The following LRBA variants were observed in gnomAD, a reference collection of about 807,000 sequenced individuals.
LRBA encodes lipopolysaccharide-responsive and beige-like anchor protein.
A neutral mutation model predicts 330.0 loss-of-function variants in LRBA; 176 were observed. The observed-to-expected ratio is 0.53, with a 90% CI of 0.47 to 0.60. The LOEUF (loss-of-function observed/expected upper bound fraction) is 0.60, where lower values mean the gene tolerates loss of function less well. Ranked by LOEUF, LRBA falls within the 20% of genes least tolerant of loss-of-function variation. The probability of loss-of-function intolerance (pLI) is 0.00; values close to 1 mark genes in which losing one functional copy is unlikely to be tolerated. For missense variants in LRBA, 3,259 were observed against 3,444.8 expected, an observed-to-expected ratio of 0.95 and a Z score of 1.35; for synonymous variants, 1,230 against 1,193.0, an observed-to-expected ratio of 1.03 and a Z score of -0.64.
intron 37 of LRBA, among the ~76,000 whole-genome samples, chr4:150,647,518 C>A (rs1186695041): frequency 6.6e-6 from 1 of 150,832 alleles, no homozygotes. Context: ...ACCAACACAC[C>A]TAGTAGCAGG....
chr4:150,371,181 A>ATTTTTTTTTTTTTTTTT (rs1274384749), intron 47 of LRBA, among the ~76,000 whole-genome samples: 1 of 136,754 alleles, frequency 7.3e-6, no homozygotes, highest in African/African-American at 3.2e-5. Flanking sequence ...CAAGCTACTA[A>ATTTTTTTTTTTTTTTTT]ATTTTTTTTT....
At chr4:150,567,905 T>C (rs1435427058) in intron 40 of LRBA, among the ~76,000 whole-genome samples, 1 of 152,164 alleles carries the variant, frequency 6.6e-6, no homozygotes, top group Non-Finnish European at 1.5e-5. Context: ...ACTTTTCACA[T>C]TGGTAGGTTA....
intron 20 of LRBA, among the ~76,000 whole-genome samples, chr4:150,868,743 G>T (rs538004057): frequency 5.3e-5 from 8 of 152,164 alleles, no homozygotes; most frequent in African/African-American, 1.9e-4. Context: ...TTCGAGAGCG[G>T]CCTGGCCAAC....
intron 40 of LRBA, among the ~76,000 whole-genome samples, chr4:150,566,673 C>A (rs1479859927): frequency 6.6e-6 from 1 of 151,956 alleles, no homozygotes; most frequent in Admixed American, 6.6e-5. Context: ...GTAATAATGA[C>A]CATCACAAAA....
intron 2 of LRBA, among the ~76,000 whole-genome samples, chr4:150,974,290 A>C (rs981668309): frequency 1.3e-5 from 2 of 152,222 alleles, no homozygotes; most frequent in African/African-American, 4.8e-5. Context: ...CAAGGAGAAG[A>C]GTACCAGAGA....
chr4:151,012,785 A>G (rs1372098066), intron 2 of LRBA: 3 of 150,296 alleles, frequency 2.0e-5, no homozygotes, highest in African/African-American at 4.9e-5. Context: ...CAAAGCTTTC[A>G]TTCTTCAAAA....
intron 47 of LRBA, among the ~76,000 whole-genome samples, chr4:150,378,076 T>C (rs1741634479): frequency 6.6e-6 from 1 of 152,102 alleles, no homozygotes; most frequent in African/African-American, 2.4e-5. Context: ...CCTTCTTAAA[T>C]GTCCCATATC....
intron 37 of LRBA, among the ~76,000 whole-genome samples, chr4:150,631,388 T>C (rs1391717613): frequency 6.6e-6 from 1 of 152,016 alleles, no homozygotes; most frequent in African/African-American, 2.4e-5. Flanking sequence ...ACATTAGGAG[T>C]AATTTATGAG....
intron 17 of LRBA, among the ~76,000 whole-genome samples, chr4:150,886,809 A>C (rs2127071802): frequency 6.6e-6 from 1 of 152,334 alleles, no homozygotes; most frequent in Admixed American, 6.5e-5. Flanking sequence ...GACACATTAG[A>C]AGATTACGCA....
chr4:150,450,193 G>A (rs1321595331), intron 44 of LRBA, among the ~76,000 whole-genome samples: 1 of 152,098 alleles, frequency 6.6e-6, no homozygotes, highest in Non-Finnish European at 1.5e-5. Flanking sequence ...TATAAAGAGG[G>A]ACATTGCATA....
intron 48 of LRBA, among the ~76,000 whole-genome samples, chr4:150,347,962 C>A (rs1268557526): frequency 6.6e-6 from 1 of 152,154 alleles, no homozygotes; most frequent in African/African-American, 2.4e-5. Flanking sequence ...CTCTAGTCAT[C>A]TGTGCCTATT....
At chr4:150,671,000 ATGTGTGTGTG>A (rs57937053) in intron 37 of LRBA, among the ~76,000 whole-genome samples, 57 of 106,888 alleles carry the variant, frequency 5.3e-4, no homozygotes, top group South Asian at 7.1e-4. Flanking sequence ...AACATAGCTG[ATGTGTGTGTG>A]TGTGTGTGTG....
chr4:150,455,197 T>A (rs1399558473), intron 44 of LRBA, among the ~76,000 whole-genome samples: 6 of 150,154 alleles, frequency 4.0e-5, no homozygotes, highest in Non-Finnish European at 8.9e-5. Flanking sequence ...ATTGTTCAAT[T>A]CCCACCTATG....
chr4:150,612,256 T>G (rs1727598866), intron 37 of LRBA, among the ~76,000 whole-genome samples: 1 of 152,192 alleles, frequency 6.6e-6, no homozygotes, highest in South Asian at 2.1e-4. Flanking sequence ...AAATAATTTT[T>G]TAAAGTTTAC....
intron 20 of LRBA, among the ~76,000 whole-genome samples, chr4:150,869,222 C>T (rs1040981842): frequency 2.0e-5 from 3 of 151,948 alleles, no homozygotes; most frequent in Non-Finnish European, 4.4e-5. Flanking sequence ...GCCGGCCTAC[C>T]ATAGAGAATT....
intron 37 of LRBA, among the ~76,000 whole-genome samples, chr4:150,634,880 G>C (rs755874712): frequency 6.6e-6 from 1 of 152,110 alleles, no homozygotes; most frequent in Non-Finnish European, 1.5e-5. Context: ...GACTCTAGAG[G>C]GTGGATCCCT....
At chr4:150,774,997 A>G (rs1578740909) in intron 34 of LRBA, among the ~76,000 whole-genome samples, 1 of 152,206 alleles carries the variant, frequency 6.6e-6, no homozygotes, top group Non-Finnish European at 1.5e-5. Context: ...TCAAATCAGC[A>G]TCACAGTTCT....
chr4:150,413,376 G>GA (rs944905091), intron 47 of LRBA, among the ~76,000 whole-genome samples: 6 of 150,534 alleles, frequency 4.0e-5, no homozygotes, highest in Non-Finnish European at 8.9e-5. Flanking sequence ...GCCCAAACTA[G>GA]AAAAAAAAGT....
intron 40 of LRBA, among the ~76,000 whole-genome samples, chr4:150,501,152 C>T (rs952353935): frequency 6.6e-6 from 1 of 152,138 alleles, no homozygotes; most frequent in Non-Finnish European, 1.5e-5. Context: ...CATTTCATTG[C>T]GTAACTCCAT....
Sources: allele counts gnomAD v4.1 joint callset (sites outside exome capture counted in the v4.1 genomes callset), GRCh38; gene constraint gnomAD v4.1.1; transcripts MANE v1.5; gene names NCBI Gene and HGNC (gene_info 2026-07-23, HGNC 2026-07-21).